The following IPO9 variants were observed in gnomAD, a reference collection of about 807,000 sequenced individuals.
The protein encoded by IPO9 is importin 9.
IPO9 carries 28 observed loss-of-function variants against 128.6 expected under a neutral mutation model. That is an observed-to-expected ratio of 0.22 (90% CI 0.16 to 0.30). The LOEUF (loss-of-function observed/expected upper bound fraction) is 0.30, where lower values mean the gene tolerates loss of function less well. Among genes scored for constraint, IPO9 ranks in the 10% least tolerant of loss-of-function variants. The pLI, the probability that IPO9 is intolerant of heterozygous loss-of-function variation, is 1.00. For synonymous variants in IPO9, 455 were observed against 475.8 expected, an observed-to-expected ratio of 0.96 and a Z score of 0.57; for missense variants, 935 against 1,293.9, an observed-to-expected ratio of 0.72 and a Z score of 4.26.
Position 201,872,905 on chromosome 1 carries a change from G to A in IPO9, c.2654G>A (p.Gly885Glu), listed in dbSNP as rs1355827549. ...DKRLQDIRVK[G>E]EEIYSMDEGI... ...CGGCTACAGGATATCCGTGTGAAGG[G>A]AGAGGAGATCTACAGCATGGATGAG... Residue 885 changes from glycine (G) to glutamate (E), a missense_variant, in exon 20 of 24, where the codon GGA becomes GAA. Physicochemically the swap from Gly to Glu is moderately conservative, Grantham distance 98. This residue lies in a region of IPO9 where 188 missense variants were observed against 246.7 expected (regional missense o/e 0.76). Coordinates refer to ENST00000361565, the MANE Select transcript of IPO9 (RefSeq NM_018085.5). 1 of 1,613,962 alleles carries A rather than the reference G, an allele frequency of 6.2e-7. No homozygotes were observed. Among genetic ancestry groups the A allele is most frequent in the East Asian group, 2.2e-5 (1 of 44,848 alleles).
chr1:201,883,357 G>A lies in IPO9; in HGVS notation c.*7303G>A, dbSNP rs1172441346. 1.3e-5 allele frequency: 2 copies of A among 152,274 alleles called. No individual in the cohort carries two copies. The highest frequency in any genetic ancestry group is 1.9e-4 in the East Asian group (1 of 5,200). 9.4% of individuals were successfully genotyped at this position (152,274 alleles called of 1,614,324 possible). On this transcript the variant is annotated 3_prime_UTR_variant, in exon 24 of 24. Transcript: ENST00000361565. ...CGGAGGAAGAAGGGGAGAGAAAAAG[G>A]GGGGTAGTTTTCCAAAAGATAAGTA...
At chr1:201,836,412 G>A (rs1048336557) in intron 1 of IPO9, among the ~76,000 whole-genome samples, 2 of 152,024 alleles carry the variant, frequency 1.3e-5, no homozygotes, top group Admixed American at 1.3e-4. Flanking sequence ...TTGAGACAAG[G>A]TCTTGCTCTG....
chr1:201,847,361 T>G, intron 2 of IPO9, 21 bp downstream of exon 2: 1 of 1,602,844 alleles, frequency 6.2e-7, no homozygotes, highest in Non-Finnish European at 8.5e-7. Flanking sequence ...ACTGGCCCAA[T>G]TTATAAATAG....
chr1:201,839,560 CAAAAAAAAAAA>C (rs4025036), intron 1 of IPO9, among the ~76,000 whole-genome samples: 16 of 33,952 alleles, frequency 4.7e-4, no homozygotes, highest in Non-Finnish European at 7.9e-4. Flanking sequence ...GACTCCATCT[CAAAAAAAAAAA>C]AAAAAAAAAA....
chr1:201,856,954 C>T, intron 10 of IPO9, 142 bp from the exon 11 acceptor site: 1 of 646,620 alleles, frequency 1.5e-6, no homozygotes, highest in South Asian at 1.7e-5. Context: ...CCCAAAGTGT[C>T]AGGATTACAG....
chr1:201,863,162 C>G (rs1254415497), intron 13 of IPO9, among the ~76,000 whole-genome samples: 1 of 152,096 alleles, frequency 6.6e-6, no homozygotes, highest in African/African-American at 2.4e-5. Context: ...ACCAGCCTGG[C>G]CAACATGGCA....
chr1:201,875,357 A>G, intron 23 of IPO9, 129 bp downstream of exon 23: 2 of 806,514 alleles, frequency 2.5e-6, no homozygotes, highest in South Asian at 2.9e-5. Context: ...TGGGAGGTCA[A>G]GGCGGGAGGA....
At position 201,855,892 on chromosome 1, in the gene IPO9, G is replaced by A; in HGVS notation, c.1080G>A (p.Leu360=). Reference sequence around the variant, plus strand: ...CTGTTAAGAAAGCCTTGCCTGAATTGATTTATTATATTATCCTGTACATGC... The same window carrying A: ...CTGTTAAGAAAGCCTTGCCTGAATTAATTTATTATATTATCCTGTACATGC... ...KSTVKKALPE[L]IYYIILYMQI... The change falls in exon 10 of 24, where the codon TTG becomes TTA. Residue 360 remains leucine, a synonymous_variant. Coordinates refer to ENST00000361565, the MANE Select transcript of IPO9 (RefSeq NM_018085.5). 6.2e-7 allele frequency: 1 copy of A among 1,611,508 alleles called. No individual in the cohort carries two copies. Among genetic ancestry groups the A allele is most frequent in the Non-Finnish European group, 8.5e-7 (1 of 1,179,356 alleles).
intron 20 of IPO9, among the ~76,000 whole-genome samples, chr1:201,873,860 G>C (rs1032972951): frequency 4.5e-4 from 68 of 152,188 alleles, no homozygotes; most frequent in African/African-American, 1.6e-3. Flanking sequence ...GTTGCCTTTG[G>C]CCTGTAACTC....
chr1:201,870,603 G>A lies in IPO9; in HGVS notation c.2154G>A (p.Arg718=). ...CCCAGAATGGCGGAGAGTGCTTGCG[G>A]GCCTATGTGTCAGTGACCCTGGAAC... ...ATMQNGGECL[R]AYVSVTLEQV... The change falls in exon 18 of 24, where the codon CGG becomes CGA. Residue 718 remains arginine (R), a synonymous_variant. Transcript: ENST00000361565. The surrounding 1 kb of genome is among the most constrained non-coding windows in gnomAD (Gnocchi z 4.9). 3 of 1,613,956 alleles carry A rather than the reference G, an allele frequency of 1.9e-6. No homozygotes were observed. Among genetic ancestry groups the A allele is most frequent in the Non-Finnish European group, 2.5e-6 (3 of 1,179,862 alleles).
intron 1 of IPO9, among the ~76,000 whole-genome samples, chr1:201,831,575 C>T (rs1450885374): frequency 6.6e-6 from 1 of 152,200 alleles, no homozygotes; most frequent in African/African-American, 2.4e-5. Flanking sequence ...CTTTCTTCCT[C>T]TTGTGGCCTT....
intron 12 of IPO9, 116 bp downstream of exon 12, chr1:201,858,669 G>T (rs1558221157): frequency 1.2e-6 from 1 of 818,926 alleles, no homozygotes; most frequent in Admixed American, 3.0e-5. Context: ...TTTAATAACA[G>T]ATTTTAATCT....
At chr1:201,846,723 A>AG (rs1333082545) in intron 1 of IPO9, among the ~76,000 whole-genome samples, 7 of 150,894 alleles carry the variant, frequency 4.6e-5, no homozygotes, top group African/African-American at 1.7e-4. Flanking sequence ...AGGCTGGAGT[A>AG]CAATGGTGCG....
chr1:201,854,073 A>G (rs765637899), intron 6 of IPO9, among the ~76,000 whole-genome samples: 42 of 151,970 alleles, frequency 2.8e-4, no homozygotes, highest in Admixed American at 6.5e-4. Context: ...GTCTCTCCCT[A>G]TGTTGCCCAG....
In IPO9 at chr1:201,877,866, G is replaced by C. The variant is rs1315513691; in HGVS notation, c.*1812G>C. On this transcript the variant is annotated 3_prime_UTR_variant, in exon 24 of 24. Coordinates refer to ENST00000361565, the MANE Select transcript of IPO9 (RefSeq NM_018085.5). The stretch of plus-strand genomic sequence containing the variant: ...TTGAACCTGGGAGGCAGAGGTTGCA[G>C]TAAGCCAAGATCGCACCATTGCACT... The C allele has an allele frequency of 6.6e-6, 1 of 152,124 alleles. No individual in the cohort carries two copies. Among genetic ancestry groups the C allele is most frequent in the East Asian group, 1.9e-4 (1 of 5,194 alleles). The allele number at this position is 152,124 out of a possible 1,614,324, so 9.4% of individuals were successfully genotyped here.
At chr1:201,863,829 C>T (rs1680501607) in intron 14 of IPO9, among the ~76,000 whole-genome samples, 1 of 152,206 alleles carries the variant, frequency 6.6e-6, no homozygotes, top group Admixed American at 6.5e-5. Context: ...TTTAAATTCG[C>T]TCCAGTTCTG....
chr1:201,865,614 T>C (rs1166842212), intron 14 of IPO9, among the ~76,000 whole-genome samples: 3 of 152,346 alleles, frequency 2.0e-5, no homozygotes, highest in Non-Finnish European at 2.9e-5. Flanking sequence ...CTTCATGTCA[T>C]AGTTTATGTA....
chr1:201,882,777 T>G lies in IPO9; in HGVS notation c.*6723T>G, dbSNP rs1680912809. 1 of 152,648 alleles carries G rather than the reference T, an allele frequency of 6.6e-6. No individual in the cohort carries two copies. The highest frequency in any genetic ancestry group is 2.4e-5 in the African/African-American group (1 of 41,456). 9.5% of individuals were successfully genotyped at this position (152,648 alleles called of 1,614,324 possible). On this transcript the variant is annotated 3_prime_UTR_variant, in exon 24 of 24. Coordinates refer to ENST00000361565, the MANE Select transcript of IPO9 (RefSeq NM_018085.5). ...CGGCAAGTGACGTTTCCTTCAAGCC[T>G]TGGTTCCCTCATCTGTAAAATAGGG... is the stretch of plus-strand genomic sequence containing the variant.
intron 13 of IPO9, among the ~76,000 whole-genome samples, chr1:201,859,945 C>T (rs1431107098): frequency 2.0e-5 from 3 of 149,658 alleles, no homozygotes; most frequent in African/African-American, 7.4e-5. Flanking sequence ...GGTGACAGAG[C>T]GAGACTTGGT....
Sources: allele counts gnomAD v4.1 joint callset (sites outside exome capture counted in the v4.1 genomes callset), GRCh38; gene constraint gnomAD v4.1.1; regional missense constraint gnomAD v4.1.1; non-coding constraint Gnocchi (gnomAD v3.1); transcripts MANE v1.5; gene names NCBI Gene and HGNC (gene_info 2026-07-23, HGNC 2026-07-21).